The following RGS6 variants were observed in gnomAD, a reference collection of about 807,000 sequenced individuals.
RGS6 encodes regulator of G-protein signaling 6.
Under a neutral mutation model 78.5 loss-of-function variants are expected in RGS6, and 30 were observed. The observed-to-expected ratio is 0.38, with a 90% confidence interval of 0.29 to 0.52. RGS6 has a LOEUF of 0.52. RGS6 is among the 20% of genes least tolerant of loss of function. RGS6 has a pLI of 0.85. For synonymous variants in RGS6, 206 were observed against 206.0 expected, an observed-to-expected ratio of 1.00 and a Z score of 0.00; for missense variants, 495 against 609.7, an observed-to-expected ratio of 0.81 and a Z score of 1.98.
intron 2 of RGS6, among the ~76,000 whole-genome samples, chr14:72,282,834 A>G (rs1029672279): frequency 6.6e-6 from 1 of 152,196 alleles, no homozygotes; most frequent in African/African-American, 2.4e-5. Context: ...ACAATACAGT[A>G]TTGTTAATTA....
At chr14:71,924,757 A>G in the RGS6 span, among the ~76,000 whole-genome samples, 2 of 152,232 alleles carry the variant, frequency 1.3e-5, no homozygotes, top group African/African-American at 2.4e-5. Flanking sequence ...TATTCCATGT[A>G]TATGGAATGT....
chr14:72,415,688 C>A (rs1185718035), intron 3 of RGS6, among the ~76,000 whole-genome samples: 1 of 152,216 alleles, frequency 6.6e-6, no homozygotes, highest in Non-Finnish European at 1.5e-5. Flanking sequence ...CTCCACCCCC[C>A]CGGCAACTGC....
chr14:72,166,134 ACACAGACT>A (rs1304581256), intron 2 of RGS6, among the ~76,000 whole-genome samples: 5 of 75,756 alleles, frequency 6.6e-5, no homozygotes, highest in East Asian at 5.0e-4. Flanking sequence ...ACACACACAC[ACACAGACT>A]GACTTTGTTA....
chr14:72,478,669 T>C (rs2096296517), intron 12 of RGS6, among the ~76,000 whole-genome samples: 1 of 152,230 alleles, frequency 6.6e-6, no homozygotes, highest in Non-Finnish European at 1.5e-5. Context: ...AGCTATAAAA[T>C]GCCCAGATTC....
chr14:72,104,511 C>T (rs545173220), intron 2 of RGS6, among the ~76,000 whole-genome samples: 2 of 152,046 alleles, frequency 1.3e-5, no homozygotes, highest in Non-Finnish European at 2.9e-5. Context: ...AAAATTAAAA[C>T]TTCAGAATTT....
At chr14:72,419,730 A>G (rs1374353322) in intron 3 of RGS6, among the ~76,000 whole-genome samples, 1 of 152,226 alleles carries the variant, frequency 6.6e-6, no homozygotes, top group Non-Finnish European at 1.5e-5. Context: ...AGAAAAGGGC[A>G]GGTGCTGAAG....
chr14:72,339,183 G>T (rs2076545160), intron 2 of RGS6, among the ~76,000 whole-genome samples: 1 of 151,980 alleles, frequency 6.6e-6, no homozygotes, highest in Non-Finnish European at 1.5e-5. Flanking sequence ...CTGTTAAGGG[G>T]TGGGGCCCTT....
chr14:72,322,043 A>G (rs2072224647), intron 2 of RGS6, among the ~76,000 whole-genome samples: 2 of 152,036 alleles, frequency 1.3e-5, no homozygotes, highest in African/African-American at 4.8e-5. Context: ...TAACCACATT[A>G]CATATCCTAT....
chr14:72,551,944 A>G (rs1216101767), intron 17 of RGS6, among the ~76,000 whole-genome samples: 2 of 152,280 alleles, frequency 1.3e-5, no homozygotes, highest in African/African-American at 4.8e-5. Flanking sequence ...AATAAAATGC[A>G]TAACGTCCTT....
chr14:72,462,375 G>A (rs533319268), intron 6 of RGS6, among the ~76,000 whole-genome samples: 1 of 152,282 alleles, frequency 6.6e-6, no homozygotes, highest in South Asian at 2.1e-4. Context: ...GGATTCAGCA[G>A]TTTGGGGAAG....
chr14:72,567,572 CA>C (rs1195935619), downstream of RGS6, among the ~76,000 whole-genome samples: 1 of 152,176 alleles, frequency 6.6e-6, no homozygotes, highest in Non-Finnish European at 1.5e-5. Context: ...GCCATCCTGA[CA>C]GCTGCCTCTC....
intron 1 of RGS6, among the ~76,000 whole-genome samples, chr14:71,955,311 T>A (rs2092700160): frequency 6.6e-6 from 1 of 152,212 alleles, no homozygotes; most frequent in Non-Finnish European, 1.5e-5. Flanking sequence ...AAGGATGGAA[T>A]AACTTCCCTT....
intron 6 of RGS6, among the ~76,000 whole-genome samples, chr14:72,463,974 G>T (rs1388888536): frequency 6.6e-6 from 1 of 152,106 alleles, no homozygotes; most frequent in Non-Finnish European, 1.5e-5. Context: ...GATATACAAA[G>T]GAACACTCAT....
chr14:72,242,737 AGTG>A (rs983424414), intron 2 of RGS6, among the ~76,000 whole-genome samples: 7 of 152,084 alleles, frequency 4.6e-5, no homozygotes, highest in African/African-American at 1.7e-4. Context: ...ATTAGGCAGA[AGTG>A]GTCACTACTG....
chr14:72,507,086 G>A (rs1042011862), intron 13 of RGS6, among the ~76,000 whole-genome samples: 14 of 150,410 alleles, frequency 9.3e-5, no homozygotes, highest in African/African-American at 2.2e-4. Context: ...GGAGAATGGC[G>A]TGAACCCAGG....
At chr14:72,348,576 C>G (rs2681744) in intron 2 of RGS6, among the ~76,000 whole-genome samples, 13 of 151,898 alleles carry the variant, frequency 8.6e-5, no homozygotes, top group African/African-American at 2.7e-4. Flanking sequence ...GGACTGTGCT[C>G]AAGAATCAAA....
chr14:72,009,179 A>G (rs2085180875), intron 2 of RGS6, among the ~76,000 whole-genome samples: 1 of 152,196 alleles, frequency 6.6e-6, no homozygotes, highest in African/African-American at 2.4e-5. Flanking sequence ...ACAGAGCAAG[A>G]TGCCATTTCT....
chr14:72,513,041 A>T (rs1362001822), intron 14 of RGS6, among the ~76,000 whole-genome samples: 1 of 152,188 alleles, frequency 6.6e-6, no homozygotes, highest in Non-Finnish European at 1.5e-5. Flanking sequence ...TCTCCGCAGG[A>T]TTGGTGAGGG....
chr14:72,394,146 C>T (rs188128013), intron 3 of RGS6, among the ~76,000 whole-genome samples: 5 of 152,174 alleles, frequency 3.3e-5, no homozygotes, highest in East Asian at 3.9e-4. Context: ...TTTCCGTAAG[C>T]GTCGGCCGGT....
Sources: gnomAD v4.1 joint callset for allele counts (sites outside exome capture counted in the v4.1 genomes callset) on GRCh38, gnomAD v4.1.1 for gene constraint, MANE v1.5 for transcripts, NCBI Gene and HGNC (gene_info 2026-07-23, HGNC 2026-07-21) for gene names.